The following PRKG2 variants were observed in gnomAD, a reference collection of about 807,000 sequenced individuals.
The protein encoded by PRKG2 is cGMP-dependent protein kinase 2.
Under a neutral mutation model 97.2 loss-of-function variants are expected in PRKG2, and 33 were observed. The observed-to-expected ratio is 0.34, with a 90% CI of 0.26 to 0.45. The LOEUF (loss-of-function observed/expected upper bound fraction) is 0.45, where lower values mean the gene tolerates loss of function less well. PRKG2 is among the 20% of genes least tolerant of loss of function. The pLI, the probability that PRKG2 is intolerant of heterozygous loss-of-function variation, is 1.00. For synonymous variants in PRKG2, 330 were observed against 321.8 expected, an observed-to-expected ratio of 1.03 and a Z score of -0.27; for missense variants, 638 against 900.0, an observed-to-expected ratio of 0.71 and a Z score of 3.73.
chr4:81,194,590 A>G (rs1752826598), intron 2 of PRKG2, among the ~76,000 whole-genome samples: 1 of 150,862 alleles, frequency 6.6e-6, no homozygotes. Flanking sequence ...TGCTCACAAC[A>G]AAACATTTCT....
intron 15 of PRKG2, among the ~76,000 whole-genome samples, chr4:81,107,188 G>C (rs1743433312): frequency 6.6e-6 from 1 of 152,146 alleles, no homozygotes. Flanking sequence ...ATGGGGAAGG[G>C]AATCAAGAGT....
At chr4:81,121,180 T>C (rs1047137266) in intron 14 of PRKG2, among the ~76,000 whole-genome samples, 4 of 152,174 alleles carry the variant, frequency 2.6e-5, no homozygotes, top group Admixed American at 6.5e-5. Flanking sequence ...GTATACATTG[T>C]TGGATTCTGT....
chr4:81,140,445 T>A lies in PRKG2; in HGVS notation c.1544+88A>T, dbSNP rs993130662. 10 of 1,209,592 alleles carry A rather than the reference T, an allele frequency of 8.3e-6. No homozygotes were observed. The African/African-American group carries it at 1.1e-4, about 13-fold the overall frequency. The allele number at this position is 1,209,592 out of a possible 1,614,324, so 74.9% of individuals were successfully genotyped here. A position where few individuals can be genotyped will look rare whatever the true frequency, so the allele number is the denominator to read the frequency against. On this transcript the variant is annotated intron_variant, in intron 12 of 18. Transcript: ENST00000264399. The stretch of plus-strand genomic sequence containing the variant: ...TATGCCTACTATGTACCCACAAAAA[T>A]TAAAAATAAAAATAAAAATAATTTA...
intron 14 of PRKG2, among the ~76,000 whole-genome samples, chr4:81,126,892 A>C (rs1261516219): frequency 6.6e-6 from 1 of 152,114 alleles, no homozygotes; most frequent in African/African-American, 2.4e-5. Context: ...CCATTTGTCA[A>C]TTTTGGCTTT....
chr4:81,216,237 G>A (rs1306586102), upstream of PRKG2, among the ~76,000 whole-genome samples: 3 of 152,070 alleles, frequency 2.0e-5, no homozygotes, highest in Non-Finnish European at 4.4e-5. Context: ...TGTTGAATGA[G>A]ACCATTAAGT....
chr4:81,204,228 T>C (rs1517548), intron 2 of PRKG2, among the ~76,000 whole-genome samples: 5,938 of 152,138 alleles, frequency 0.039, 362 homozygotes, highest in African/African-American at 0.13. Context: ...TCTTTTTTTT[T>C]TTTTTGGCTA....
chr4:81,179,307 CT>C (rs1340923223), intron 2 of PRKG2, among the ~76,000 whole-genome samples: 1 of 151,782 alleles, frequency 6.6e-6, no homozygotes, highest in African/African-American at 2.4e-5. Flanking sequence ...TAAAAAGCAG[CT>C]AGAAAAAAAA....
chr4:81,110,117 C>T (rs146589357), intron 15 of PRKG2, among the ~76,000 whole-genome samples: 66 of 152,282 alleles, frequency 4.3e-4, no homozygotes, highest in African/African-American at 1.6e-3. Context: ...GAAATAATAA[C>T]ACAGCCCAGA....
At chr4:81,171,909 G>T in intron 3 of PRKG2, 105 bp from the exon 4 acceptor site, 1 of 721,054 alleles carries the variant, frequency 1.4e-6, no homozygotes, top group Non-Finnish European at 2.2e-6. Flanking sequence ...AAGTATACAG[G>T]TAAGATATTT....
At chr4:81,189,763 A>T (rs958383637) in intron 2 of PRKG2, among the ~76,000 whole-genome samples, 1 of 98,962 alleles carries the variant, frequency 1.0e-5, no homozygotes, top group Non-Finnish European at 1.7e-5. Context: ...AAGTATAATA[A>T]GAATAATAAT....
At chr4:81,194,778 T>C (rs1752844895) in intron 2 of PRKG2, among the ~76,000 whole-genome samples, 1 of 152,172 alleles carries the variant, frequency 6.6e-6, no homozygotes, top group Admixed American at 6.5e-5. Flanking sequence ...AGGCAAACAG[T>C]TCCTTTAAAT....
At chr4:81,206,212 A>G (rs1407774896) in intron 1 of PRKG2, among the ~76,000 whole-genome samples, 1 of 152,206 alleles carries the variant, frequency 6.6e-6, no homozygotes, top group East Asian at 1.9e-4. Context: ...TTTTTAGACT[A>G]CCTATTTAAA....
At chr4:81,216,090 C>T (rs1460391990), upstream of PRKG2, among the ~76,000 whole-genome samples, 1 of 152,050 alleles carries the variant, frequency 6.6e-6, no homozygotes, top group African/African-American at 2.4e-5. Context: ...GGGTCTATTC[C>T]TCACTGTGCA....
Position 81,144,132 on chromosome 4 carries a change from A to AAG in PRKG2, c.1253+99_1253+100insCT. 1.3e-5 allele frequency: 14 copies of AAG among 1,093,892 alleles called. No individual in the cohort carries two copies. The Admixed American group carries it at 2.8e-4, about 22-fold the overall frequency. The allele number at this position is 1,093,892 out of a possible 1,614,324, so 67.8% of individuals were successfully genotyped here. ...CTCCAGAATTTTCTAGTGAAGGCAC[A>AAG]TTAAAAGTTACCACACAGCAAGTCA... On this transcript the variant is annotated intron_variant, in intron 10 of 18. Transcript: ENST00000264399.
rs571487420 is a variant in PRKG2, at chr4:81,100,786, A to G, written c.2126+3584T>C. 4.2e-3 allele frequency among the ~76,000 whole-genome samples: 633 copies of G among 152,308 alleles called. 11 individuals carry two copies. The highest frequency in any genetic ancestry group is 0.015 in the African/African-American group (616 of 41,572). On this transcript the variant is annotated intron_variant, in intron 17 of 18. Coordinates refer to ENST00000264399, the MANE Select transcript of PRKG2 (RefSeq NM_006259.3). ...CCATCAGAGTGAACAGGCAACCTAC[A>G]GAATGGGAGAACATTTCTGCAATCT...
At chr4:81,182,157 GA>G (rs1452832706) in intron 2 of PRKG2, among the ~76,000 whole-genome samples, 1 of 150,992 alleles carries the variant, frequency 6.6e-6, no homozygotes, top group Non-Finnish European at 1.5e-5. Flanking sequence ...CTACAAAAAA[GA>G]AAAATAAAAT....
chr4:81,177,831 T>C (rs1443447732), intron 2 of PRKG2, among the ~76,000 whole-genome samples: 1 of 151,992 alleles, frequency 6.6e-6, no homozygotes, highest in East Asian at 1.9e-4. Context: ...ATTGGAAGTA[T>C]TGAAGATCTA....
At position 81,145,201 on chromosome 4, in the gene PRKG2, T is replaced by G. The variant is rs1023198678; in HGVS notation, c.1155-871A>C. ...TCGCCACACTGTCTTCCACAATGGC[T>G]GAACTAGTTTACAGTCCCACCAACG... On this transcript the variant is annotated intron_variant, in intron 9 of 18. Coordinates refer to ENST00000264399, the MANE Select transcript of PRKG2 (RefSeq NM_006259.3). Among the ~76,000 whole-genome samples the G allele has an allele frequency of 7.9e-5, 12 of 152,270 alleles. No individual in the cohort carries two copies. The East Asian group carries it at 2.3e-3, about 29-fold the overall frequency.
At position 81,180,642 on chromosome 4, in the gene PRKG2, A is replaced by G. The variant is rs546621411; in HGVS notation, c.462-5683T>C. 2.0e-5 allele frequency among the ~76,000 whole-genome samples: 3 copies of G among 152,314 alleles called. No individual in the cohort carries two copies. The East Asian group carries it at 5.8e-4, about 29-fold the overall frequency. ...TATATGGAGCAAAATTGGCAAAATT[A>G]AAAGAAAAAATAGACAAGTGTCCCA... is the stretch of plus-strand genomic sequence containing the variant. On this transcript the variant is annotated intron_variant, in intron 2 of 18. Coordinates refer to ENST00000264399, the MANE Select transcript of PRKG2 (RefSeq NM_006259.3).
Sources: gnomAD v4.1 joint callset for allele counts (sites outside exome capture counted in the v4.1 genomes callset) on GRCh38, gnomAD v4.1.1 for gene constraint, MANE v1.5 for transcripts, NCBI Gene and HGNC (gene_info 2026-07-23, HGNC 2026-07-21) for gene names.